HECTD2: variants seen among roughly 807,000 people sequenced by gnomAD.
The protein encoded by HECTD2 is probable E3 ubiquitin-protein ligase HECTD2.
Under a neutral mutation model 103.2 loss-of-function variants are expected in HECTD2, and 35 were observed. That is an observed-to-expected ratio of 0.34 (90% CI 0.26 to 0.45). The LOEUF (loss-of-function observed/expected upper bound fraction) is 0.45. HECTD2 is among the 20% of genes least tolerant of loss of function. The pLI, the probability that HECTD2 is intolerant of heterozygous loss-of-function variation, is 1.00. For synonymous variants in HECTD2, 281 were observed against 329.9 expected, an observed-to-expected ratio of 0.85 and a Z score of 1.61; for missense variants, 596 against 937.4, an observed-to-expected ratio of 0.64 and a Z score of 4.76.
At chr10:91,485,486 A>G (rs1846234355) in intron 10 of HECTD2, 183 bp downstream of exon 10, 3 of 480,826 alleles carry the variant, frequency 6.2e-6, no homozygotes, top group Non-Finnish European at 1.1e-5. Flanking sequence ...TTTTGAATTT[A>G]TGTACATGTT....
At chr10:91,507,180 C>A (rs1249075295) in intron 20 of HECTD2, among the ~76,000 whole-genome samples, 47 of 150,584 alleles carry the variant, frequency 3.1e-4, no homozygotes, top group African/African-American at 8.5e-4. Flanking sequence ...ACTGAATGGG[C>A]AAAAACTGGA....
intron 14 of HECTD2, among the ~76,000 whole-genome samples, chr10:91,494,193 A>G (rs1359762900): frequency 6.6e-6 from 1 of 151,812 alleles, no homozygotes; most frequent in Non-Finnish European, 1.5e-5. Flanking sequence ...GAGATAAGAA[A>G]GTATAAAAGG....
intron 20 of HECTD2, among the ~76,000 whole-genome samples, chr10:91,502,949 A>G (rs1204424354): frequency 6.6e-6 from 1 of 152,204 alleles, no homozygotes; most frequent in Non-Finnish European, 1.5e-5. Context: ...CAACATTTCA[A>G]TTTGACATAA....
intron 20 of HECTD2, among the ~76,000 whole-genome samples, chr10:91,507,915 A>G (rs1847258577): frequency 7.3e-6 from 1 of 137,684 alleles, no homozygotes; most frequent in Admixed American, 6.8e-5. Context: ...TACTGGTACC[A>G]AAACAGAGAT....
At chr10:91,512,229 A>G (rs1451202650) in intron 20 of HECTD2, 35 bp from the exon 21 acceptor site, 2 of 1,603,030 alleles carry the variant, frequency 1.2e-6, no homozygotes, top group Non-Finnish European at 8.5e-7. Context: ...TGTGTGTTTC[A>G]AGACTTAGTA....
intron 20 of HECTD2, among the ~76,000 whole-genome samples, chr10:91,506,229 C>A (rs1589554680): frequency 1.3e-5 from 2 of 150,320 alleles, no homozygotes; most frequent in East Asian, 2.0e-4. Context: ...AAAGCAAGAG[C>A]AAACACATTC....
intron 20 of HECTD2, among the ~76,000 whole-genome samples, chr10:91,507,481 A>T (rs889841911): frequency 1.3e-5 from 2 of 152,230 alleles, no homozygotes; most frequent in African/African-American, 2.4e-5. Context: ...TACACCAATA[A>T]CAGACAAACA....
chr10:91,453,850 T>C (rs1275063153), intron 2 of HECTD2, among the ~76,000 whole-genome samples: 1 of 152,170 alleles, frequency 6.6e-6, no homozygotes, highest in Non-Finnish European at 1.5e-5. Flanking sequence ...GAAGACATTT[T>C]ATGCAAACAT....
At chr10:91,454,199 G>A (rs772472762) in intron 2 of HECTD2, among the ~76,000 whole-genome samples, 5 of 152,078 alleles carry the variant, frequency 3.3e-5, no homozygotes, top group African/African-American at 7.2e-5. Context: ...TTTACAGCAC[G>A]CTCTACTCAA....
At chr10:91,463,526 T>A (rs1845428981) in intron 5 of HECTD2, 1 of 152,150 alleles carries the variant, frequency 6.6e-6, no homozygotes, top group Non-Finnish European at 1.5e-5. Flanking sequence ...TAACTTGGAT[T>A]TTCTGTGTAC....
intron 20 of HECTD2, among the ~76,000 whole-genome samples, chr10:91,509,290 TAA>T (rs531118026): frequency 6.7e-6 from 1 of 149,226 alleles, no homozygotes; most frequent in Non-Finnish European, 1.5e-5. Context: ...AAAATAAATT[TAA>T]AAAAAAAATC....
At chr10:91,426,505 T>A (rs12249854) in intron 2 of HECTD2, among the ~76,000 whole-genome samples, 30,392 of 151,830 alleles carry the variant, frequency 0.2, 7,225 homozygotes, top group African/African-American at 0.58. Flanking sequence ...GTTAGTATTT[T>A]TATTGCCTCA....
At position 91,507,601 on chromosome 10, in the gene HECTD2, G is replaced by A. The variant is rs1343460866; in HGVS notation, c.2211-4663G>A. ...ACCTCTTCAAGGAGAACTACAAACCGCTGCTCAAGGAAATAAAAGAGGATA... is the reference window on the plus strand; with the variant it reads ...ACCTCTTCAAGGAGAACTACAAACCACTGCTCAAGGAAATAAAAGAGGATA... On this transcript the variant is annotated intron_variant, in intron 20 of 20. Coordinates refer to ENST00000298068, the MANE Select transcript of HECTD2 (RefSeq NM_182765.6). Among the ~76,000 whole-genome samples the A allele has an allele frequency of 2.9e-3, 438 of 149,688 alleles. 2 individuals are homozygous for A. The highest frequency in any genetic ancestry group is 6.9e-3 in the Middle Eastern group (2 of 288).
intron 20 of HECTD2, among the ~76,000 whole-genome samples, chr10:91,505,795 TC>T (rs1847136870): frequency 6.6e-6 from 1 of 151,540 alleles, no homozygotes; most frequent in Non-Finnish European, 1.5e-5. Context: ...TACAGAACTC[TC>T]CACCCCAAAT....
In HECTD2 at chr10:91,453,917, A is replaced by G. The variant is rs1191966908; in HGVS notation, c.269-6510A>G. ...TATCAGATAAAGTGGACTTAGAACA[A>G]AGAAAACTCATGGAGACAGAGGGGA... On this transcript the variant is annotated intron_variant, in intron 2 of 20. Coordinates refer to ENST00000298068, the MANE Select transcript of HECTD2 (RefSeq NM_182765.6). Among the ~76,000 whole-genome samples, 2 of 152,160 alleles carry G rather than the reference A, an allele frequency of 1.3e-5. 1 individual carries two copies. Among genetic ancestry groups the G allele is most frequent in the Non-Finnish European group, 2.9e-5 (2 of 68,002 alleles).
At chr10:91,484,144 A>G in intron 8 of HECTD2, 2 of 534,142 alleles carry the variant, frequency 3.7e-6, no homozygotes, top group East Asian at 3.1e-5. Flanking sequence ...GGAGACTAAC[A>G]TCTTTCACAT....
chr10:91,451,740 T>A (rs1844838430), intron 2 of HECTD2, among the ~76,000 whole-genome samples: 1 of 152,114 alleles, frequency 6.6e-6, no homozygotes, highest in African/African-American at 2.4e-5. Flanking sequence ...TTATCTTTGC[T>A]TATTAAAGTT....
chr10:91,435,889 T>C (rs1589478058), intron 2 of HECTD2, among the ~76,000 whole-genome samples: 2 of 152,106 alleles, frequency 1.3e-5, no homozygotes, highest in Admixed American at 1.3e-4. Flanking sequence ...GACTCCTAAT[T>C]TTCTTTTTTA....
At chr10:91,503,377 C>T (rs943219106) in intron 20 of HECTD2, among the ~76,000 whole-genome samples, 12 of 152,228 alleles carry the variant, frequency 7.9e-5, no homozygotes, top group East Asian at 1.9e-4. Context: ...GGGTTCATCT[C>T]ACTAGGGAGT....
Sources: gnomAD v4.1 joint callset for allele counts (sites outside exome capture counted in the v4.1 genomes callset) on GRCh38, gnomAD v4.1.1 for gene constraint, MANE v1.5 for transcripts, NCBI Gene and HGNC (gene_info 2026-07-23, HGNC 2026-07-21) for gene names.